Variants in PTPN13 observed in about 807,000 individuals in gnomAD.
PTPN13 encodes the protein tyrosine-protein phosphatase non-receptor type 13.
A neutral mutation model predicts 284.0 loss-of-function variants in PTPN13; 191 were observed. The observed-to-expected ratio is 0.67, with a 90% CI of 0.60 to 0.76. The LOEUF (loss-of-function observed/expected upper bound fraction) is 0.76. Ranked by LOEUF, PTPN13 falls within the 30% of genes least tolerant of loss-of-function variation. The pLI is 0.00. For synonymous variants in PTPN13, 986 were observed against 1,022.3 expected (o/e 0.96, Z 0.68); for missense variants, 2,797 against 2,939.9 (o/e 0.95, Z 1.12).
At chr4:86,737,882 C>G (rs905176035) in intron 15 of PTPN13, among the ~76,000 whole-genome samples, 10 of 152,070 alleles carry the variant, frequency 6.6e-5, no homozygotes, top group African/African-American at 2.4e-4. Context: ...GCACATGCCA[C>G]CACGCCTGGC....
Position 86,676,012 on chromosome 4 carries a change from T to G in PTPN13, c.294+3469T>G, listed in dbSNP as rs558406811. On this transcript the variant is annotated intron_variant, in intron 3 of 47. Coordinates refer to ENST00000411767, the MANE Select transcript of PTPN13 (RefSeq NM_080683.3). Reference sequence around the variant, plus strand: ...CTCTGTGCTTTTTGAAAATCAAGGATCATCTTTAGAAAGACAATAATAGTA... The same window carrying G: ...CTCTGTGCTTTTTGAAAATCAAGGAGCATCTTTAGAAAGACAATAATAGTA... Among the ~76,000 whole-genome samples the G allele has an allele frequency of 1.2e-4, 19 of 152,336 alleles. No homozygotes were observed. In the South Asian group the frequency reaches 3.5e-3, roughly 28 times the overall value.
chr4:86,619,200 T>A (rs894347443), intron 1 of PTPN13, among the ~76,000 whole-genome samples: 3 of 152,220 alleles, frequency 2.0e-5, no homozygotes, highest in Non-Finnish European at 2.9e-5. Flanking sequence ...TTATGTATGG[T>A]GTTCAGAAGG....
At chr4:86,745,783 A>C (rs1736688724) in intron 17 of PTPN13, among the ~76,000 whole-genome samples, 1 of 152,206 alleles carries the variant, frequency 6.6e-6, no homozygotes, top group African/African-American at 2.4e-5. Context: ...CTCAAAAAAA[A>C]AAAATTCAGG....
chr4:86,727,430 G>A (rs111508778), intron 10 of PTPN13, among the ~76,000 whole-genome samples: 7,366 of 149,182 alleles, frequency 0.049, 840 homozygotes, highest in African/African-American at 0.17. Context: ...TCGGCTGTCA[G>A]TCTCTCTGGT....
At position 86,699,416 on chromosome 4, in the gene PTPN13, G is replaced by A. The variant is rs192464141; in HGVS notation, c.635-1825G>A. ...CAAAAAAAAAAAGTAGACATAGGTA[G>A]TATAGAATTACTCATGGAAAGATGA... On this transcript the variant is annotated intron_variant, in intron 6 of 47. Transcript: ENST00000411767. Among the ~76,000 whole-genome samples the A allele has an allele frequency of 1.4e-3, 220 of 152,026 alleles. 1 individual carries two copies. The highest frequency in any genetic ancestry group is 5.1e-3 in the African/African-American group (212 of 41,478).
Position 86,814,463 on chromosome 4 carries a change from A to G in PTPN13, c.7370A>G (p.Tyr2457Cys), listed in dbSNP as rs1745584374. 1 of 1,609,670 alleles carries G rather than the reference A, an allele frequency of 6.2e-7. No individual in the cohort carries two copies. The highest frequency in any genetic ancestry group is 1.3e-5 in the African/African-American group (1 of 74,830). The change falls in exon 48 of 48, where the codon TAT becomes TGT. Residue 2457 changes from tyrosine to cysteine, a missense_variant. Tyr to Cys is a radical substitution (Grantham distance 194). Coordinates refer to ENST00000411767, the MANE Select transcript of PTPN13 (RefSeq NM_080683.3). The part of the protein sequence containing the change: ...RHGMVQTEDQ[Y>C]IFCYQVILYV... ...CACTTTTTTTGGCCATAGGATCAAT[A>G]TATTTTCTGCTATCAAGTCATCCTT...
chr4:86,653,305 T>C (rs755660463), intron 2 of PTPN13, among the ~76,000 whole-genome samples: 6 of 152,264 alleles, frequency 3.9e-5, no homozygotes, highest in East Asian at 1.9e-4. Context: ...CTTTCGGATG[T>C]TCATTGATGT....
At position 86,771,438 on chromosome 4, in the gene PTPN13, C is replaced by A. The variant is rs757356814; in HGVS notation, c.5071C>A (p.Gln1691Lys). The A allele has an allele frequency of 1.9e-6, 3 of 1,565,458 alleles. No homozygotes were observed. The highest frequency in any genetic ancestry group is 1.4e-5 in the African/African-American group (1 of 73,880). ...TCTAAGCAACATGGTATCACAGGCA[C>A]AGAGTCATCATGAAGCACCCAAGAG... ...QTLSNMVSQAQSHHEAPKSQE... is the reference protein window; with the variant it reads ...QTLSNMVSQAKSHHEAPKSQE... The change falls in exon 31 of 48, where the codon CAG becomes AAG. Residue 1691 changes from glutamine to lysine, a missense_variant. Gln to Lys is a moderately conservative substitution (Grantham distance 53). Coordinates refer to ENST00000411767, the MANE Select transcript of PTPN13 (RefSeq NM_080683.3).
chr4:86,752,703 G>C (rs992022353), intron 19 of PTPN13, among the ~76,000 whole-genome samples: 2 of 152,038 alleles, frequency 1.3e-5, no homozygotes, highest in African/African-American at 4.8e-5. Flanking sequence ...ACTGAATAAT[G>C]AATATTCTTT....
chr4:86,780,982 G>A (rs1237929925), intron 36 of PTPN13, among the ~76,000 whole-genome samples: 2 of 152,146 alleles, frequency 1.3e-5, no homozygotes, highest in South Asian at 2.1e-4. Flanking sequence ...AGGGGAACAG[G>A]AGAAAGAGAT....
At chr4:86,665,378 A>T (rs1300378083) in intron 2 of PTPN13, among the ~76,000 whole-genome samples, 1 of 152,224 alleles carries the variant, frequency 6.6e-6, no homozygotes, top group African/African-American at 2.4e-5. Flanking sequence ...ACAAATAAAA[A>T]TTTCTAAAAC....
Position 86,767,942 on chromosome 4 carries a change from A to C in PTPN13, c.4455A>C (p.Thr1485=). 6.2e-7 allele frequency: 1 copy of C among 1,611,560 alleles called. No individual in the cohort carries two copies. The highest frequency in any genetic ancestry group is 8.5e-7 in the Non-Finnish European group (1 of 1,178,878). Residue 1485 remains threonine, a synonymous_variant, in exon 28 of 48, where the codon ACA becomes ACC. Coordinates refer to ENST00000411767, the MANE Select transcript of PTPN13 (RefSeq NM_080683.3). ...AAGGCCCAGAAAAAGTGAAGAAAAC[A>C]ACTCAGGTCAAAGACTACAGCTTTG... ...QGQGPEKVKK[T]TQVKDYSFVT...
intron 1 of PTPN13, among the ~76,000 whole-genome samples, chr4:86,606,195 C>A (rs894612412): frequency 6.6e-6 from 1 of 151,778 alleles, no homozygotes; most frequent in Non-Finnish European, 1.5e-5. Flanking sequence ...GGATCTTGAT[C>A]CTAAAACAAG....
chr4:86,734,716 T>C, intron 13 of PTPN13, 21 bp from the exon 14 acceptor site: 1 of 1,599,838 alleles, frequency 6.3e-7, no homozygotes, highest in East Asian at 2.2e-5. Context: ...CCAAGATGTC[T>C]GTGTGTGTTT....
intron 2 of PTPN13, among the ~76,000 whole-genome samples, chr4:86,655,743 TA>T (rs1269120705): frequency 2.6e-5 from 4 of 152,046 alleles, no homozygotes; most frequent in African/African-American, 9.7e-5. Flanking sequence ...TCTCGAGGAG[TA>T]TCTTTGTGGC....
At chr4:86,797,130 G>A (rs553799206) in intron 41 of PTPN13, among the ~76,000 whole-genome samples, 94 of 152,180 alleles carry the variant, frequency 6.2e-4, no homozygotes, top group African/African-American at 2.2e-3. Context: ...AGGCTGGGGC[G>A]GGCAGATCAC....
intron 32 of PTPN13, among the ~76,000 whole-genome samples, chr4:86,773,592 T>A (rs1057444451): frequency 2.6e-5 from 4 of 152,248 alleles, no homozygotes; most frequent in East Asian, 1.9e-4. Flanking sequence ...AAGTAATAAA[T>A]GTTTATTGTA....
chr4:86,756,835 A>C (rs186366421), intron 20 of PTPN13, among the ~76,000 whole-genome samples: 18 of 152,292 alleles, frequency 1.2e-4, no homozygotes, highest in African/African-American at 3.8e-4. Context: ...CTGTTTTCAT[A>C]CTGATTTGGT....
intron 23 of PTPN13, 22 bp downstream of exon 23, chr4:86,759,095 T>TA (rs1326438462): frequency 3.1e-6 from 5 of 1,604,744 alleles, no homozygotes; most frequent in Non-Finnish European, 4.3e-6. Flanking sequence ...GTCTCTTACT[T>TA]ATGTATTCTG....
Sources: gnomAD v4.1 joint callset for allele counts (sites outside exome capture counted in the v4.1 genomes callset) on GRCh38, gnomAD v4.1.1 for gene constraint, MANE v1.5 for transcripts, NCBI Gene and HGNC (gene_info 2026-07-23, HGNC 2026-07-21) for gene names.